Variants in HACE1 observed in about 807,000 individuals in gnomAD.
HACE1 encodes the protein HECT domain and ankyrin repeat containing E3 ubiquitin protein ligase 1.
A neutral mutation model predicts 118.4 loss-of-function variants in HACE1; 73 were observed. That is an observed-to-expected ratio of 0.62 (90% CI 0.51 to 0.75). The LOEUF is 0.75. Ranked by LOEUF, HACE1 falls within the 30% of genes least tolerant of loss-of-function variation. The pLI, the probability that HACE1 is intolerant of heterozygous loss-of-function variation, is 0.00. For missense variants in HACE1, 749 were observed against 1,102.2 expected (o/e 0.68, Z 4.54); for synonymous variants, 368 against 374.8 (o/e 0.98, Z 0.21).
chr6:104,817,376 G>T (rs1019740470), intron 6 of HACE1, among the ~76,000 whole-genome samples: 5 of 152,052 alleles, frequency 3.3e-5, no homozygotes, highest in African/African-American at 9.7e-5. Context: ...GTTTAAAAGT[G>T]TGTGGCACTT....
At chr6:104,849,972 CAG>C (rs1776039589) in intron 3 of HACE1, among the ~76,000 whole-genome samples, 2 of 125,766 alleles carry the variant, frequency 1.6e-5, no homozygotes, top group Non-Finnish European at 3.2e-5. Context: ...TTTTTTGAGA[CAG>C]AGTCTTGCTG....
chr6:104,808,573 A>G (rs542544871), intron 7 of HACE1, among the ~76,000 whole-genome samples: 3 of 152,324 alleles, frequency 2.0e-5, no homozygotes, highest in South Asian at 2.1e-4. Flanking sequence ...TTCAAATACA[A>G]AGAAAACAGT....
rs74776429 is a variant in HACE1, at chr6:104,770,214, G to T, written c.2211+979C>A. On this transcript the variant is annotated intron_variant, in intron 19 of 23. Transcript: ENST00000262903. Reference sequence around the variant, plus strand: ...ATAATTCAGCTAAACAAAAAGGGAGGGGGGCAGTTTAGTATTGTTCAACCA... The same window carrying T: ...ATAATTCAGCTAAACAAAAAGGGAGTGGGGCAGTTTAGTATTGTTCAACCA... Among the ~76,000 whole-genome samples, 590 of 152,160 alleles carry T rather than the reference G, an allele frequency of 3.9e-3. 5 individuals are homozygous for T. The highest frequency in any genetic ancestry group is 0.014 in the African/African-American group (571 of 41,510).
intron 7 of HACE1, among the ~76,000 whole-genome samples, chr6:104,797,871 C>T (rs1378868613): frequency 6.6e-6 from 1 of 151,920 alleles, no homozygotes; most frequent in Non-Finnish European, 1.5e-5. Flanking sequence ...GAGTTCCAGA[C>T]CAGCCTGGCC....
At chr6:104,735,381 C>A (rs1252048157) in intron 22 of HACE1, among the ~76,000 whole-genome samples, 1 of 152,062 alleles carries the variant, frequency 6.6e-6, no homozygotes, top group Non-Finnish European at 1.5e-5. Context: ...ACATGTAATC[C>A]CAGCATTTTG....
intron 22 of HACE1, among the ~76,000 whole-genome samples, chr6:104,733,157 T>C (rs963911946): frequency 1.3e-5 from 2 of 152,224 alleles, no homozygotes; most frequent in Non-Finnish European, 2.9e-5. Context: ...AATGTAACTA[T>C]TTTATCAAGG....
chr6:104,827,928 T>C (rs1466181876), intron 6 of HACE1, among the ~76,000 whole-genome samples: 3 of 152,112 alleles, frequency 2.0e-5, no homozygotes, highest in Non-Finnish European at 4.4e-5. Context: ...CTTAATAAGG[T>C]TTATTCTGAT....
intron 6 of HACE1, among the ~76,000 whole-genome samples, chr6:104,823,413 C>T (rs995384047): frequency 1.3e-5 from 2 of 149,744 alleles, no homozygotes; most frequent in African/African-American, 4.9e-5. Context: ...GACTGGGCAA[C>T]ACAGCGAGAC....
chr6:104,833,016 C>CTTT (rs751493086), intron 6 of HACE1, 26 bp downstream of exon 6: 81 of 1,605,762 alleles, frequency 5.0e-5, no homozygotes, highest in Middle Eastern at 1.6e-4. Context: ...ACACATGCAG[C>CTTT]TTAAAGTCCT....
In HACE1 at chr6:104,815,370, A is replaced by AT. The variant is rs113168563; in HGVS notation, c.535-3978dup. ...TGAATTAGGGTATCTGGTGGAAGAA[A>AT]TTTTTTTTTTTTTTTGACACAAAGT... On this transcript the variant is annotated intron_variant, in intron 6 of 23. Transcript: ENST00000262903. 2.6e-3 allele frequency among the ~76,000 whole-genome samples: 327 copies of AT among 126,824 alleles called. 42 individuals are homozygous for AT. The highest frequency in any genetic ancestry group is 4.8e-3 in the Admixed American group (62 of 12,850). The allele number at this position is 126,824 out of a possible 152,430, so 83.2% of individuals were successfully genotyped here.
chr6:104,773,659 A>G (rs990850307), intron 17 of HACE1, among the ~76,000 whole-genome samples: 3 of 152,192 alleles, frequency 2.0e-5, no homozygotes, highest in East Asian at 1.9e-4. Context: ...CTATGGACCA[A>G]CAAAGATTTC....
At chr6:104,747,245 C>T (rs1777529323) in intron 20 of HACE1, among the ~76,000 whole-genome samples, 1 of 152,008 alleles carries the variant, frequency 6.6e-6, no homozygotes, top group South Asian at 2.1e-4. Flanking sequence ...ATCAGCTTAC[C>T]TAGCATCACA....
chr6:104,766,216 T>C (rs376505361), intron 19 of HACE1, among the ~76,000 whole-genome samples: 2 of 152,316 alleles, frequency 1.3e-5, no homozygotes, highest in South Asian at 2.1e-4. Context: ...ATTACCCTTG[T>C]GGGCATGCTT....
intron 19 of HACE1, among the ~76,000 whole-genome samples, chr6:104,767,803 C>T (rs1432198920): frequency 1.3e-5 from 2 of 152,180 alleles, no homozygotes; most frequent in Non-Finnish European, 2.9e-5. Context: ...TTCTTCCCAT[C>T]CTTACTCCTA....
chr6:104,855,991 C>T (rs1776680121), intron 1 of HACE1, among the ~76,000 whole-genome samples: 2 of 152,148 alleles, frequency 1.3e-5, no homozygotes, highest in South Asian at 4.1e-4. Flanking sequence ...CATACATTAA[C>T]AGGTAAGTAT....
chr6:104,774,905 C>T (rs1781065749), intron 17 of HACE1, among the ~76,000 whole-genome samples: 1 of 152,178 alleles, frequency 6.6e-6, no homozygotes, highest in Non-Finnish European at 1.5e-5. Flanking sequence ...CCCAAACATT[C>T]CCCACATTTA....
At chr6:104,853,609 C>G (rs2499664) in intron 1 of HACE1, among the ~76,000 whole-genome samples, 66,225 of 151,974 alleles carry the variant, frequency 0.44, 16,012 homozygotes, top group East Asian at 0.58. Flanking sequence ...GATATTTACA[C>G]AGTATCAAGT....
At chr6:104,749,636 TA>T (rs1270605370) in intron 20 of HACE1, among the ~76,000 whole-genome samples, 2 of 152,130 alleles carry the variant, frequency 1.3e-5, no homozygotes, top group African/African-American at 4.8e-5. Context: ...AGAAAGCAGC[TA>T]TATGCTATTT....
chr6:104,764,026 G>C (rs940854310), intron 19 of HACE1, among the ~76,000 whole-genome samples: 1 of 152,098 alleles, frequency 6.6e-6, no homozygotes, highest in African/African-American at 2.4e-5. Context: ...CAGCCTGGGT[G>C]ACAGAGCAAG....
Sources: gnomAD v4.1 joint callset for allele counts (sites outside exome capture counted in the v4.1 genomes callset) on GRCh38, gnomAD v4.1.1 for gene constraint, MANE v1.5 for transcripts, NCBI Gene and HGNC (gene_info 2026-07-23, HGNC 2026-07-21) for gene names.